Variants in GPR39 observed in about 807,000 individuals in gnomAD.
GPR39 encodes G protein-coupled receptor 39.
Under a neutral mutation model 18.4 loss-of-function variants are expected in GPR39, and 23 were observed. That is an observed-to-expected ratio of 1.25 (90% confidence interval 0.90 to 1.77). GPR39 has a LOEUF of 1.77. GPR39 is among the 40% of genes most tolerant of loss of function. The probability of loss-of-function intolerance (pLI) is 0.00; values close to 1 mark genes in which losing one functional copy is unlikely to be tolerated. For missense variants in GPR39, 647 were observed against 602.4 expected (o/e 1.07, Z -0.78); for synonymous variants, 280 against 257.9 (o/e 1.09, Z -0.82).
intron 1 of GPR39, among the ~76,000 whole-genome samples, chr2:132,449,828 C>G (rs571100143): frequency 1.3e-5 from 2 of 152,080 alleles, no homozygotes; most frequent in African/African-American, 2.4e-5. Context: ...ATTATTTTCT[C>G]TCTTCTCTTA....
chr2:132,618,585 C>T (rs572182608), intron 1 of GPR39, among the ~76,000 whole-genome samples: 2 of 152,036 alleles, frequency 1.3e-5, no homozygotes, highest in East Asian at 1.9e-4. Flanking sequence ...GCCAAGGAGC[C>T]CAGGGAAACC....
intron 1 of GPR39, among the ~76,000 whole-genome samples, chr2:132,602,543 T>C (rs1009460639): frequency 2.6e-5 from 4 of 151,952 alleles, no homozygotes; most frequent in African/African-American, 7.2e-5. Flanking sequence ...AATGGAACTA[T>C]ATCAAACTAA....
At chr2:132,598,749 C>A (rs1375829765) in intron 1 of GPR39, among the ~76,000 whole-genome samples, 1 of 152,082 alleles carries the variant, frequency 6.6e-6, no homozygotes, top group Non-Finnish European at 1.5e-5. Context: ...AAAATCCACA[C>A]CAGCATCCTA....
chr2:132,573,547 C>A (rs142950650), intron 1 of GPR39, among the ~76,000 whole-genome samples: 268 of 152,274 alleles, frequency 1.8e-3, no homozygotes, highest in African/African-American at 3.6e-3. Flanking sequence ...GAACCACTTG[C>A]CACTTTCCAT....
rs745987644 is a variant in GPR39, at chr2:132,513,863, G to A, written c.856+95965G>A. 5.9e-5 allele frequency among the ~76,000 whole-genome samples: 9 copies of A among 152,220 alleles called. No individual in the cohort carries two copies. In the South Asian group the frequency reaches 6.2e-4, roughly 11 times the overall value. Reference sequence around the variant, plus strand: ...TGAGTAGCTGGGACTATAGGCGTGCGCCACCATGCCCAGCTAATATTTTGT... The same window carrying A: ...TGAGTAGCTGGGACTATAGGCGTGCACCACCATGCCCAGCTAATATTTTGT... On this transcript the variant is annotated intron_variant, in intron 1 of 1. Coordinates refer to ENST00000329321, the MANE Select transcript of GPR39 (RefSeq NM_001508.3).
At chr2:132,448,771 C>T (rs1188560303) in intron 1 of GPR39, among the ~76,000 whole-genome samples, 1 of 152,186 alleles carries the variant, frequency 6.6e-6, no homozygotes, top group East Asian at 1.9e-4. Flanking sequence ...ATGCTGACTG[C>T]CACCAACTCA....
At chr2:132,435,765 G>C (rs144174278) in intron 1 of GPR39, among the ~76,000 whole-genome samples, 245 of 152,270 alleles carry the variant, frequency 1.6e-3, no homozygotes, top group East Asian at 1.9e-3. Context: ...TGTAAAGCTT[G>C]AAGTGGTAAA....
intron 1 of GPR39, among the ~76,000 whole-genome samples, chr2:132,438,495 C>T (rs1373028806): frequency 6.6e-6 from 1 of 150,892 alleles, no homozygotes; most frequent in East Asian, 2.0e-4. Context: ...ACTTGATTCC[C>T]TTAGGTCAGG....
intron 1 of GPR39, among the ~76,000 whole-genome samples, chr2:132,584,361 C>T (rs1486263904): frequency 6.6e-6 from 1 of 152,190 alleles, no homozygotes; most frequent in African/African-American, 2.4e-5. Flanking sequence ...AATTATTAGA[C>T]AGATGAGTGA....
At chr2:132,462,651 T>C (rs1171447063) in intron 1 of GPR39, among the ~76,000 whole-genome samples, 2 of 152,206 alleles carry the variant, frequency 1.3e-5, no homozygotes, top group Admixed American at 6.5e-5. Context: ...TGCTGACTTT[T>C]CTTTGTGCAG....
intron 1 of GPR39, among the ~76,000 whole-genome samples, chr2:132,610,796 A>G (rs111581666): frequency 2.4e-4 from 36 of 149,608 alleles, no homozygotes; most frequent in Admixed American, 5.0e-4. Context: ...AAAAAAAAAA[A>G]AAGAAGAAGA....
chr2:132,577,985 T>G (rs1205659008), intron 1 of GPR39, among the ~76,000 whole-genome samples: 1 of 152,066 alleles, frequency 6.6e-6, no homozygotes, highest in Admixed American at 6.6e-5. Flanking sequence ...AGGCTTTCAT[T>G]AAGTGTAACG....
At position 132,645,198 on chromosome 2, in the gene GPR39, C is replaced by T; in HGVS notation, c.954C>T (p.Tyr318=). 1 of 1,614,192 alleles carries T rather than the reference C, an allele frequency of 6.2e-7. No individual in the cohort carries two copies. Among genetic ancestry groups the T allele is most frequent in the Middle Eastern group, 1.6e-4 (1 of 6,062 alleles). ...AKPKHDWTRS[Y]FRAYMILLPF... is the part of the protein sequence containing the mutation. ...CCAAGCACGACTGGACGAGGTCCTA[C>T]TTCCGGGCGTACATGATCCTCCTCC... The change falls in exon 2 of 2, where the codon TAC becomes TAT. Residue 318 remains tyrosine (Y), a synonymous_variant. Coordinates refer to ENST00000329321, the MANE Select transcript of GPR39 (RefSeq NM_001508.3).
intron 1 of GPR39, among the ~76,000 whole-genome samples, chr2:132,587,736 T>C (rs567310493): frequency 2.0e-5 from 3 of 152,230 alleles, no homozygotes; most frequent in South Asian, 4.1e-4. Flanking sequence ...GGTTTCGCCA[T>C]GTTGGCCAGG....
intron 1 of GPR39, among the ~76,000 whole-genome samples, chr2:132,460,002 C>T (rs1438211161): frequency 6.6e-6 from 1 of 152,130 alleles, no homozygotes. Flanking sequence ...GTAAAAGGAG[C>T]TAATGAGGCC....
intron 1 of GPR39, among the ~76,000 whole-genome samples, chr2:132,587,406 G>A (rs1680748117): frequency 6.6e-6 from 1 of 152,192 alleles, no homozygotes; most frequent in Non-Finnish European, 1.5e-5. Flanking sequence ...TCTTGGAGCT[G>A]GGGCCAGTGT....
At chr2:132,519,271 A>T (rs1364159674) in intron 1 of GPR39, among the ~76,000 whole-genome samples, 2 of 134,822 alleles carry the variant, frequency 1.5e-5, no homozygotes, top group African/African-American at 2.7e-5. Flanking sequence ...GGCCTCATAA[A>T]AAAAGAAGGT....
At chr2:132,524,224 G>T (rs556964391) in intron 1 of GPR39, among the ~76,000 whole-genome samples, 1 of 152,210 alleles carries the variant, frequency 6.6e-6, no homozygotes, top group Non-Finnish European at 1.5e-5. Flanking sequence ...AACGAAGAGG[G>T]TCTTGAGTTT....
At chr2:132,544,402 G>A (rs1296864653) in intron 1 of GPR39, among the ~76,000 whole-genome samples, 1 of 152,186 alleles carries the variant, frequency 6.6e-6, no homozygotes, top group Admixed American at 6.5e-5. Context: ...TCTAGTCCCT[G>A]ATCAATCAGC....
Sources: allele counts gnomAD v4.1 joint callset (sites outside exome capture counted in the v4.1 genomes callset), GRCh38; gene constraint gnomAD v4.1.1; transcripts MANE v1.5; gene names NCBI Gene and HGNC (gene_info 2026-07-23, HGNC 2026-07-21).